The following KDM2A variants were observed in gnomAD, a reference collection of about 807,000 sequenced individuals.
KDM2A encodes lysine demethylase 2A.
In KDM2A, 3 loss-of-function variants were observed where a neutral mutation model predicts 137.3. The observed-to-expected ratio is 0.02, with a 90% confidence interval of 0.01 to 0.06. The LOEUF (loss-of-function observed/expected upper bound fraction) is 0.06, where lower values mean the gene tolerates loss of function less well. KDM2A is among the 10% of genes least tolerant of loss of function. The probability of loss-of-function intolerance (pLI) is 1.00; values close to 1 mark genes in which losing one functional copy is unlikely to be tolerated. For missense variants in KDM2A, 738 were observed against 1,510.6 expected (o/e 0.49, Z 8.48); for synonymous variants, 512 against 541.5 (o/e 0.95, Z 0.76).
chr11:67,166,314 A>G (rs1856743269), intron 2 of KDM2A, among the ~76,000 whole-genome samples: 2 of 150,574 alleles, frequency 1.3e-5, no homozygotes, highest in African/African-American at 4.9e-5. Context: ...CCTCCCAAGT[A>G]GCTGGGACTA....
At chr11:67,236,321 G>C (rs1858870548) in intron 12 of KDM2A, among the ~76,000 whole-genome samples, 1 of 152,046 alleles carries the variant, frequency 6.6e-6, no homozygotes, top group Non-Finnish European at 1.5e-5. Context: ...AGTAGAGATG[G>C]AGTTTTACCA....
At chr11:67,240,125 G>GA in intron 12 of KDM2A, 2 of 1,399,034 alleles carry the variant, frequency 1.4e-6, no homozygotes, top group Non-Finnish European at 1.9e-6. Context: ...CGGCTGAGCT[G>GA]AAGGGCTCGA....
At chr11:67,243,486 C>G (rs1859110845) in intron 13 of KDM2A, 1 of 160,672 alleles carries the variant, frequency 6.2e-6, no homozygotes, top group Non-Finnish European at 1.4e-5. Flanking sequence ...CTCAAAAATC[C>G]CCTTACCTTG....
In KDM2A at chr11:67,235,604, TTTTTGTTTTGTTTTG is replaced by T. The variant is rs57740370; in HGVS notation, c.1479+3664_1479+3678del. Among the ~76,000 whole-genome samples the T allele has an allele frequency of 2.9e-3, 403 of 138,802 alleles. 1 individual carries two copies. Among genetic ancestry groups the T allele is most frequent in the African/African-American group, 0.01 (381 of 37,064 alleles). 91.1% of individuals were successfully genotyped at this position (138,802 alleles called of 152,430 possible). A position where few individuals can be genotyped will look rare whatever the true frequency, so the allele number is the denominator to read the frequency against. ...AGGCGTGACACCGCGCCCGGCTGCT[TTTTTGTTTTGTTTTG>T]TTTTGTTTTGTTTTGTTTTTGAGAC... is the stretch of plus-strand genomic sequence containing the variant. On this transcript the variant is annotated intron_variant, in intron 12 of 20. Transcript: ENST00000529006.
intron 2 of KDM2A, among the ~76,000 whole-genome samples, chr11:67,138,120 A>G (rs1856008929): frequency 6.6e-6 from 1 of 152,074 alleles, no homozygotes; most frequent in Non-Finnish European, 1.5e-5. Context: ...TTATAGGACC[A>G]CCGTCACATA....
intron 5 of KDM2A, among the ~76,000 whole-genome samples, chr11:67,195,264 G>A (rs1371621818): frequency 6.7e-6 from 1 of 149,478 alleles, no homozygotes; most frequent in Non-Finnish European, 1.5e-5. Flanking sequence ...AGCTACCCGA[G>A]AGGCTAAGGC....
At chr11:67,251,104 G>A (rs936363726) in intron 17 of KDM2A, among the ~76,000 whole-genome samples, 7 of 152,052 alleles carry the variant, frequency 4.6e-5, no homozygotes, top group African/African-American at 1.7e-4. Flanking sequence ...AGAGTCTTGC[G>A]GGCTGAAAAT....
intron 6 of KDM2A, among the ~76,000 whole-genome samples, chr11:67,210,862 C>T (rs1857956939): frequency 6.6e-6 from 1 of 152,094 alleles, no homozygotes; most frequent in African/African-American, 2.4e-5. Context: ...TAGCTAGAGG[C>T]CTGGCACAGT....
rs572078182 is a variant in KDM2A, at chr11:67,187,509, T to C, written c.307+5617T>C. ...AAAAGAGCAGGGGTAGCTATACTTA[T>C]ATCAGATAAAACAGACATTTATTAA... On this transcript the variant is annotated intron_variant, in intron 5 of 20. Coordinates refer to ENST00000529006, the MANE Select transcript of KDM2A (RefSeq NM_012308.3). Among the ~76,000 whole-genome samples, 4 of 152,238 alleles carry C rather than the reference T, an allele frequency of 2.6e-5. No individual in the cohort carries two copies. In the South Asian group the frequency reaches 8.3e-4, roughly 32 times the overall value.
rs1173103783 is a variant in KDM2A, at chr11:67,250,015, T to G, written c.2056-71T>G. On this transcript the variant is annotated intron_variant, in intron 16 of 20. Coordinates refer to ENST00000529006, the MANE Select transcript of KDM2A (RefSeq NM_012308.3). This position sits in a 1 kb window ranked among gnomAD's most constrained non-coding sequence, Gnocchi z 7.1. ...TCTGGTCCCCTGAGAGCAAGGGAGG[T>G]CCACCCTGTCGGTTCAGAGGGTTTG... 2 of 1,274,714 alleles carry G rather than the reference T, an allele frequency of 1.6e-6. No individual in the cohort carries two copies. Among genetic ancestry groups the G allele is most frequent in the Non-Finnish European group, 2.2e-6 (2 of 924,004 alleles). The allele number at this position is 1,274,714 out of a possible 1,614,324, so 79.0% of individuals were successfully genotyped here.
chr11:67,228,467 G>A (rs947995126), intron 11 of KDM2A, among the ~76,000 whole-genome samples: 2 of 152,152 alleles, frequency 1.3e-5, no homozygotes, highest in East Asian at 1.9e-4. Flanking sequence ...CAAGGTGGGC[G>A]AATGGCTTGA....
intron 2 of KDM2A, among the ~76,000 whole-genome samples, chr11:67,165,845 A>G (rs1467855764): frequency 1.3e-5 from 2 of 151,998 alleles, no homozygotes; most frequent in African/African-American, 4.8e-5. Flanking sequence ...AAGAAAGGTC[A>G]CTCTTACTTC....
chr11:67,121,061 T>C (rs1279621587), intron 1 of KDM2A, among the ~76,000 whole-genome samples, 173 bp from the exon 2 acceptor site: 2 of 152,156 alleles, frequency 1.3e-5, no homozygotes, highest in Non-Finnish European at 2.9e-5. Context: ...ATGTGATTAA[T>C]GTTGAACATG....
chr11:67,125,087 T>A (rs989170434), intron 2 of KDM2A, among the ~76,000 whole-genome samples: 1 of 151,576 alleles, frequency 6.6e-6, no homozygotes. Flanking sequence ...GGTCTCGATC[T>A]GCTGACCTCG....
chr11:67,212,136 TA>T (rs1218854850), intron 6 of KDM2A, among the ~76,000 whole-genome samples: 1 of 152,020 alleles, frequency 6.6e-6, no homozygotes, highest in Non-Finnish European at 1.5e-5. Context: ...CTTTTAAAAT[TA>T]AAAAAATTGA....
intron 16 of KDM2A, among the ~76,000 whole-genome samples, chr11:67,249,781 T>G (rs1377826920): frequency 1.3e-5 from 2 of 152,204 alleles, no homozygotes; most frequent in African/African-American, 4.8e-5. Flanking sequence ...GTGGGCTTTT[T>G]CCACCATGAA....
chr11:67,157,930 AAGAG>A (rs562569194), intron 2 of KDM2A, among the ~76,000 whole-genome samples: 55 of 152,242 alleles, frequency 3.6e-4, no homozygotes, highest in African/African-American at 1.2e-3. Context: ...TCGCAAAAGA[AAGAG>A]AGAGATACAT....
chr11:67,152,876 T>A (rs1288940057), intron 2 of KDM2A, among the ~76,000 whole-genome samples: 3 of 151,756 alleles, frequency 2.0e-5, no homozygotes, highest in African/African-American at 7.3e-5. Context: ...ATTTTATATA[T>A]CAGTGAGACT....
Position 67,254,335 on chromosome 11 carries a change from G to C in KDM2A, c.3224G>C (p.Ser1075Thr), listed in dbSNP as rs369112604. Residue 1075 changes from serine to threonine, a missense_variant, in exon 20 of 21, where the codon AGC becomes ACC. Coordinates refer to ENST00000529006, the MANE Select transcript of KDM2A (RefSeq NM_012308.3). The surrounding 1 kb of genome is among the most constrained non-coding windows in gnomAD (Gnocchi z 4.7). ...LLSRLDLSHC[S>T]HLTDQSSNLL... Reference sequence around the variant, plus strand: ...TCTCGACTCGACCTCAGTCACTGCAGCCACCTTACAGATCAGTCCTCCAAT... The same window carrying C: ...TCTCGACTCGACCTCAGTCACTGCACCCACCTTACAGATCAGTCCTCCAAT... The C allele has an allele frequency of 6.2e-7, 1 of 1,613,886 alleles. No homozygotes were observed. Among genetic ancestry groups the C allele is most frequent in the African/African-American group, 1.3e-5 (1 of 74,928 alleles).
Sources: gnomAD v4.1 joint callset for allele counts (sites outside exome capture counted in the v4.1 genomes callset) on GRCh38, gnomAD v4.1.1 for gene constraint, Gnocchi (gnomAD v3.1) non-coding constraint, MANE v1.5 for transcripts, NCBI Gene and HGNC (gene_info 2026-07-23, HGNC 2026-07-21) for gene names.